UBE2K: variants seen among roughly 807,000 people sequenced by gnomAD.
The protein encoded by UBE2K is ubiquitin conjugating enzyme E2 K.
Under a neutral mutation model 30.0 loss-of-function variants are expected in UBE2K, and 6 were observed. The ratio of observed to expected loss-of-function variants is 0.20; its 90% confidence interval spans 0.11 to 0.39. The LOEUF (loss-of-function observed/expected upper bound fraction) is 0.39. Among genes scored for constraint, UBE2K ranks in the 10% least tolerant of loss-of-function variants. The pLI is 1.00. For synonymous variants in UBE2K, 86 were observed against 83.7 expected, an observed-to-expected ratio of 1.03 and a Z score of -0.15; for missense variants, 61 against 241.6, an observed-to-expected ratio of 0.25 and a Z score of 4.96.
intron 1 of UBE2K, among the ~76,000 whole-genome samples, chr4:39,712,368 ATTTTTTTTTTTTTT>A (rs60301036): frequency 3.7e-5 from 2 of 53,634 alleles, no homozygotes; most frequent in Non-Finnish European, 6.5e-5. Context: ...CGCCCGGCCA[ATTTTTTTTTTTTTT>A]TTTTTTTTTT....
intron 1 of UBE2K, chr4:39,714,436 G>T: frequency 1.3e-5 from 2 of 154,702 alleles, no homozygotes; most frequent in South Asian, 4.1e-4. Context: ...GGCTTATGCA[G>T]AATTATCCTC....
intron 1 of UBE2K, among the ~76,000 whole-genome samples, chr4:39,704,742 A>C (rs2381427): frequency 6.6e-6 from 1 of 151,660 alleles, no homozygotes; most frequent in Non-Finnish European, 1.5e-5. Context: ...GGGTTTCACC[A>C]TGTTGCCCAG....
chr4:39,711,524 T>C (rs1459953478), intron 1 of UBE2K, among the ~76,000 whole-genome samples: 1 of 151,988 alleles, frequency 6.6e-6, no homozygotes, highest in Non-Finnish European at 1.5e-5. Flanking sequence ...CAGACTATAT[T>C]GTATTCCATG....
chr4:39,729,401 T>C (rs1719947271), intron 1 of UBE2K, among the ~76,000 whole-genome samples: 1 of 152,132 alleles, frequency 6.6e-6, no homozygotes, highest in African/African-American at 2.4e-5. Flanking sequence ...ATTTTTCCCC[T>C]CTCCCTCAAA....
At chr4:39,761,413 G>A (rs991325319) in intron 4 of UBE2K, 1 of 152,174 alleles carries the variant, frequency 6.6e-6, no homozygotes, top group African/African-American at 2.4e-5. Flanking sequence ...TAACAGAAAA[G>A]TTAGTCAACG....
At chr4:39,700,925 C>CCA (rs2109298592) in intron 1 of UBE2K, among the ~76,000 whole-genome samples, 1 of 158 alleles carries the variant, frequency 6.3e-3, no homozygotes, top group South Asian at 0.25. Flanking sequence ...GTGGAAGAGG[C>CCA]CATTTGTGTC....
chr4:39,744,931 A>AAAAT lies in UBE2K; in HGVS notation c.158-800_158-797dup, dbSNP rs1159618497. On this transcript the variant is annotated intron_variant, in intron 2 of 6. Coordinates refer to ENST00000261427, the MANE Select transcript of UBE2K (RefSeq NM_005339.5). ...CAAAAAAAAAAAAAATAAATTAAAT[A>AAAAT]AAATAAATAAATAAATAAATAAATG... is the stretch of plus-strand genomic sequence containing the variant. Among the ~76,000 whole-genome samples the AAAAT allele has an allele frequency of 7.4e-4, 111 of 150,628 alleles. No homozygotes were observed. In the South Asian group the frequency reaches 9.3e-3, roughly 13 times the overall value.
chr4:39,733,068 A>C lies in UBE2K; in HGVS notation c.64-4352A>C, dbSNP rs947324343. On this transcript the variant is annotated intron_variant, in intron 1 of 6. Coordinates refer to ENST00000261427, the MANE Select transcript of UBE2K (RefSeq NM_005339.5). Reference sequence around the variant, plus strand: ...AACATCAGGAAAAAAAAAAAAAAAAAAAAAAACAACCAGAGGTCCCGCTAT... The same window carrying C: ...AACATCAGGAAAAAAAAAAAAAAAACAAAAAACAACCAGAGGTCCCGCTAT... Among the ~76,000 whole-genome samples, 19 of 151,316 alleles carry C rather than the reference A, an allele frequency of 1.3e-4. No individual in the cohort carries two copies. In the East Asian group the frequency reaches 1.4e-3, roughly 11 times the overall value.
chr4:39,737,843 T>C (rs964619289), intron 2 of UBE2K, among the ~76,000 whole-genome samples: 1 of 152,180 alleles, frequency 6.6e-6, no homozygotes, highest in African/African-American at 2.4e-5. Context: ...TCATATGGTA[T>C]CTAAAACAGA....
chr4:39,755,011 A>G (rs749953351), intron 3 of UBE2K, among the ~76,000 whole-genome samples: 1 of 152,190 alleles, frequency 6.6e-6, no homozygotes, highest in African/African-American at 2.4e-5. Flanking sequence ...ATTCTTCCAT[A>G]ATGAGACAAA....
intron 4 of UBE2K, 21 bp downstream of exon 4, chr4:39,755,760 C>G (rs1305095812): frequency 6.6e-7 from 1 of 1,517,508 alleles, no homozygotes. Context: ...TTGAATTCAC[C>G]TTCTCTCCTT....
At chr4:39,762,109 G>A (rs929499890) in intron 4 of UBE2K, among the ~76,000 whole-genome samples, 1 of 151,826 alleles carries the variant, frequency 6.6e-6, no homozygotes, top group East Asian at 1.9e-4. Flanking sequence ...ACCTGGAGGG[G>A]CAGAGGTTGC....
At chr4:39,722,395 T>G (rs1719473688) in intron 1 of UBE2K, among the ~76,000 whole-genome samples, 1 of 152,236 alleles carries the variant, frequency 6.6e-6, no homozygotes, top group Non-Finnish European at 1.5e-5. Flanking sequence ...ATTTTCTTAC[T>G]GTTATTGATG....
intron 1 of UBE2K, among the ~76,000 whole-genome samples, chr4:39,735,404 G>A (rs1387040315): frequency 3.9e-5 from 6 of 152,030 alleles, no homozygotes; most frequent in South Asian, 4.2e-4. Flanking sequence ...TTTTTGAGAC[G>A]GAGTCTCGTT....
At chr4:39,768,214 G>A (rs1360248670) in intron 4 of UBE2K, among the ~76,000 whole-genome samples, 6 of 149,610 alleles carry the variant, frequency 4.0e-5, no homozygotes, top group South Asian at 2.1e-4. Context: ...AGAAGTGGAC[G>A]GTTCACCTGA....
chr4:39,753,977 G>A (rs967001833), intron 3 of UBE2K, among the ~76,000 whole-genome samples: 3 of 152,088 alleles, frequency 2.0e-5, no homozygotes, highest in Non-Finnish European at 2.9e-5. Context: ...CTCCAAGATC[G>A]CGCCACTGCA....
chr4:39,777,399 A>T (rs1713340040), intron 5 of UBE2K, among the ~76,000 whole-genome samples: 4 of 152,198 alleles, frequency 2.6e-5, no homozygotes, highest in Admixed American at 2.6e-4. Flanking sequence ...TTAATACCTC[A>T]CTTAACCTAA....
intron 3 of UBE2K, among the ~76,000 whole-genome samples, chr4:39,754,488 C>T (rs902685757): frequency 6.6e-6 from 1 of 152,120 alleles, no homozygotes; most frequent in Non-Finnish European, 1.5e-5. Flanking sequence ...AGCTTCTTTC[C>T]ATAAATAGCT....
chr4:39,713,725 A>C (rs1370489462), intron 1 of UBE2K: 1 of 150,530 alleles, frequency 6.6e-6, no homozygotes, highest in Non-Finnish European at 1.5e-5. Flanking sequence ...TCCCCCTACC[A>C]CCCAGCTTCT....
Sources: allele counts gnomAD v4.1 joint callset (sites outside exome capture counted in the v4.1 genomes callset), GRCh38; gene constraint gnomAD v4.1.1; transcripts MANE v1.5; gene names NCBI Gene and HGNC (gene_info 2026-07-23, HGNC 2026-07-21).